Variants in KCNMA1 observed in about 807,000 individuals in gnomAD.
KCNMA1 encodes Calcium-activated potassium channel subunit alpha-1.
KCNMA1 carries 29 observed loss-of-function variants against 140.0 expected under a neutral mutation model. The ratio of observed to expected loss-of-function variants is 0.21; its 90% CI spans 0.15 to 0.28. KCNMA1 has a LOEUF of 0.28. KCNMA1 is among the 10% of genes least tolerant of loss of function. The probability of loss-of-function intolerance (pLI) is 1.00; values close to 1 mark genes in which losing one functional copy is unlikely to be tolerated. For synonymous variants in KCNMA1, 612 were observed against 611.9 expected (o/e 1.00, Z 0.00); for missense variants, 880 against 1,602.2 (o/e 0.55, Z 7.70).
intron 24 of KCNMA1, chr10:76,914,304 C>A: frequency 1.6e-6 from 1 of 612,420 alleles, no homozygotes; most frequent in Non-Finnish European, 2.9e-6. Flanking sequence ...GTTTTGCACA[C>A]TCACTAATGG....
intron 1 of KCNMA1, 140 bp downstream of exon 1, chr10:77,637,125 A>G (rs2093835205): frequency 8.0e-7 from 1 of 1,253,926 alleles, no homozygotes; most frequent in Admixed American, 2.8e-5. Flanking sequence ...GGGAGAGCCG[A>G]GGGAAGGGAA....
intron 3 of KCNMA1, among the ~76,000 whole-genome samples, chr10:77,226,910 G>A (rs1298541149): frequency 6.6e-6 from 1 of 152,156 alleles, no homozygotes; most frequent in Admixed American, 6.5e-5. Flanking sequence ...TTTGAGGGAG[G>A]TGTGCCTCCT....
chr10:77,134,915 G>A (rs550182002), intron 5 of KCNMA1, among the ~76,000 whole-genome samples: 10 of 146,174 alleles, frequency 6.8e-5, no homozygotes, highest in Admixed American at 4.1e-4. Context: ...GGAGAATGGC[G>A]TGAACCCGGG....
At chr10:77,511,281 TC>T (rs952066888) in intron 1 of KCNMA1, among the ~76,000 whole-genome samples, 43 of 152,312 alleles carry the variant, frequency 2.8e-4, no homozygotes, top group African/African-American at 9.9e-4. Flanking sequence ...ATGCAGACAG[TC>T]AAAAACCCCT....
chr10:76,891,604 G>T lies in KCNMA1; in HGVS notation c.3263C>A (p.Thr1088Asn), dbSNP rs769712220. 3.1e-6 allele frequency: 5 copies of T among 1,614,014 alleles called. No homozygotes were observed. Among genetic ancestry groups the T allele is most frequent in the Non-Finnish European group, 4.2e-6 (5 of 1,179,994 alleles). The change falls in exon 26 of 28, where the codon ACC (threonine) becomes AAC (asparagine). Residue 1088 changes from threonine (T) to asparagine (N), a missense_variant. Transcript: ENST00000286628. ...EENALRGGYSTPQTLANRDRC... is the reference protein window; with the variant it reads ...EENALRGGYSNPQTLANRDRC... ...GTCCCTATTGGCCAGTGTCTGCGGGGTGCTGTAGCCACCTCTAAGGGCGTT... is the reference window on the plus strand; with the variant it reads ...GTCCCTATTGGCCAGTGTCTGCGGGTTGCTGTAGCCACCTCTAAGGGCGTT...
At chr10:77,591,673 A>G (rs913132311) in intron 1 of KCNMA1, among the ~76,000 whole-genome samples, 2 of 152,188 alleles carry the variant, frequency 1.3e-5, no homozygotes, top group African/African-American at 4.8e-5. Flanking sequence ...CTAACTGGAC[A>G]CCTGTGTTTT....
intron 2 of KCNMA1, among the ~76,000 whole-genome samples, chr10:77,259,549 C>T (rs1294374968): frequency 6.6e-6 from 1 of 152,136 alleles, no homozygotes; most frequent in African/African-American, 2.4e-5. Flanking sequence ...CTGGTCTTTT[C>T]CTCCTCTCTG....
chr10:77,440,674 G>GA lies in KCNMA1; in HGVS notation c.379-36652dup, dbSNP rs374098370. 4.5e-4 allele frequency among the ~76,000 whole-genome samples: 68 copies of GA among 152,266 alleles called. 2 individuals are homozygous for GA. In the East Asian group the frequency reaches 0.011, roughly 25 times the overall value. On this transcript the variant is annotated intron_variant, in intron 1 of 27. Transcript: ENST00000286628. Reference sequence around the variant, plus strand: ...GCTCTAACGGTCCAGAAAAGGGGAGGAAAAAAACCCCTCTACCGTGAGCTC... The same window carrying GA: ...GCTCTAACGGTCCAGAAAAGGGGAGGAAAAAAAACCCCTCTACCGTGAGCTC...
intron 2 of KCNMA1, among the ~76,000 whole-genome samples, chr10:77,382,994 G>GTGTGTGTGTGTGTGTGTA: frequency 2.2e-5 from 1 of 46,436 alleles, no homozygotes; most frequent in East Asian, 4.6e-4. Flanking sequence ...GTGTGTGTGT[G>GTGTGTGTGTGTGTGTGTA]TATATATATA....
intron 11 of KCNMA1, 131 bp from the exon 12 acceptor site, chr10:77,084,850 A>G (rs1358620297): frequency 1.4e-5 from 10 of 691,060 alleles, no homozygotes; most frequent in Non-Finnish European, 2.5e-5. Context: ...TGAGAGCCTG[A>G]GAGATTATAG....
Position 77,254,942 on chromosome 10 carries a change from G to A in KCNMA1, c.541-3686C>T, listed in dbSNP as rs939625372. ...ATAACCAAGCATGTAACAAAGCATT[G>A]TCCCACACAAGGGCTTGGGGGCAGC... On this transcript the variant is annotated intron_variant, in intron 2 of 27. Coordinates refer to ENST00000286628, the MANE Select transcript of KCNMA1 (RefSeq NM_001161352.2). 6.6e-5 allele frequency among the ~76,000 whole-genome samples: 10 copies of A among 152,182 alleles called. No homozygotes were observed. The East Asian group carries it at 1.9e-3, about 29-fold the overall frequency.
intron 1 of KCNMA1, among the ~76,000 whole-genome samples, chr10:77,497,358 C>T (rs1010543359): frequency 3.3e-5 from 5 of 152,198 alleles, no homozygotes; most frequent in African/African-American, 1.2e-4. Flanking sequence ...CAGCATGTGA[C>T]CAAGCCTATG....
Position 77,120,810 on chromosome 10 carries a change from C to T in KCNMA1, c.884+163G>A, listed in dbSNP as rs531360111. Among the ~76,000 whole-genome samples the T allele has an allele frequency of 5.3e-5, 8 of 152,266 alleles. No individual in the cohort carries two copies. In the South Asian group the frequency reaches 1.7e-3, roughly 32 times the overall value. ...TCCCTGGCCCTGCAGAAGAGAGCAA[C>T]TCAAACCCTACTCTGGTTTTCTCTC... On this transcript the variant is annotated intron_variant, in intron 6 of 27. Coordinates refer to ENST00000286628, the MANE Select transcript of KCNMA1 (RefSeq NM_001161352.2).
chr10:76,959,053 C>T (rs1440708333), intron 20 of KCNMA1, among the ~76,000 whole-genome samples: 2 of 152,162 alleles, frequency 1.3e-5, no homozygotes, highest in African/African-American at 4.8e-5. Context: ...CCAGTATCTC[C>T]TCTAAAGGTT....
intron 3 of KCNMA1, among the ~76,000 whole-genome samples, chr10:77,191,583 C>T (rs2098938875): frequency 1.3e-5 from 2 of 152,054 alleles, no homozygotes; most frequent in Admixed American, 6.6e-5. Context: ...TTTAGTTTTA[C>T]CAAACAGAAT....
intron 12 of KCNMA1, among the ~76,000 whole-genome samples, chr10:77,082,745 C>T (rs1029440680): frequency 4.6e-5 from 7 of 152,190 alleles, no homozygotes; most frequent in Admixed American, 3.9e-4. Flanking sequence ...CTGTTCCACC[C>T]TCTCTCTGCA....
intron 2 of KCNMA1, among the ~76,000 whole-genome samples, chr10:77,273,296 T>C (rs1370666761): frequency 6.6e-6 from 1 of 152,212 alleles, no homozygotes; most frequent in Non-Finnish European, 1.5e-5. Flanking sequence ...AAATACAAGT[T>C]CAATTTCTAC....
intron 1 of KCNMA1, among the ~76,000 whole-genome samples, chr10:77,612,739 TG>T (rs1275997399): frequency 1.3e-5 from 2 of 152,172 alleles, no homozygotes; most frequent in South Asian, 2.1e-4. Flanking sequence ...ATTTCCAATG[TG>T]GGGGTACCTT....
chr10:77,241,382 G>A (rs181817659), intron 3 of KCNMA1, among the ~76,000 whole-genome samples: 5 of 152,286 alleles, frequency 3.3e-5, no homozygotes, highest in East Asian at 1.9e-4. Context: ...AGTGGCTCAC[G>A]CCTGCAATGC....
Sources: allele counts gnomAD v4.1 joint callset (sites outside exome capture counted in the v4.1 genomes callset), GRCh38; gene constraint gnomAD v4.1.1; transcripts MANE v1.5; gene names NCBI Gene and HGNC (gene_info 2026-07-23, HGNC 2026-07-21).